The following GLMN variants were observed in gnomAD, a reference collection of about 807,000 sequenced individuals.
GLMN encodes glomulin.
A neutral mutation model predicts 87.8 loss-of-function variants in GLMN; 75 were observed. That is an observed-to-expected ratio of 0.85 (90% CI 0.71 to 1.04). The LOEUF is 1.04. Among genes scored for constraint, GLMN ranks in the 50% least tolerant of loss-of-function variants. GLMN has a pLI of 0.00. For synonymous variants in GLMN, 206 were observed against 221.6 expected, an observed-to-expected ratio of 0.93 and a Z score of 0.63; for missense variants, 588 against 658.8, an observed-to-expected ratio of 0.89 and a Z score of 1.18.
At position 92,287,741 on chromosome 1, in the gene GLMN, G is replaced by A. The variant is rs544107327; in HGVS notation, c.633-1149C>T. 1.3e-4 allele frequency among the ~76,000 whole-genome samples: 20 copies of A among 150,988 alleles called. 1 individual carries two copies. The highest frequency in any genetic ancestry group is 4.2e-4 in the South Asian group (2 of 4,758). On this transcript the variant is annotated intron_variant, in intron 6 of 18. Transcript: ENST00000370360. ...ATTTTATATTCTATTTTTTAGAGAC[G>A]AGGTCTTGCTATGTTGCCCAGGCTG...
chr1:92,305,166 C>T, the GLMN span, among the ~76,000 whole-genome samples: 1 of 151,690 alleles, frequency 6.6e-6, no homozygotes, highest in Non-Finnish European at 1.5e-5. Context: ...GGCGCCCTGG[C>T]TCAAGCCTGT....
At chr1:92,260,209 C>CTAAA (rs1165099831) in intron 16 of GLMN, among the ~76,000 whole-genome samples, 9 of 152,270 alleles carry the variant, frequency 5.9e-5, no homozygotes, top group African/African-American at 1.7e-4. Context: ...GTGAGGCTGC[C>CTAAA]AGCTTGGACT....
the GLMN span, among the ~76,000 whole-genome samples, chr1:92,318,613 C>T: frequency 6.6e-6 from 1 of 152,184 alleles, no homozygotes. Flanking sequence ...GCAGAAACTC[C>T]TTCAACATTA....
chr1:92,359,634 A>G, the GLMN span, among the ~76,000 whole-genome samples: 1 of 152,204 alleles, frequency 6.6e-6, no homozygotes, highest in African/African-American at 2.4e-5. Context: ...ACTTGGTTTT[A>G]TACCTGTTTT....
chr1:92,364,640 T>C, the GLMN span, among the ~76,000 whole-genome samples: 1 of 152,166 alleles, frequency 6.6e-6, no homozygotes, highest in East Asian at 1.9e-4. Flanking sequence ...AGAATTGTGC[T>C]TCTCTTTATC....
At chr1:92,347,568 A>C in the GLMN span, among the ~76,000 whole-genome samples, 8,064 of 152,268 alleles carry the variant, frequency 0.053, 570 homozygotes, top group African/African-American at 0.17. Context: ...CTGTTTTTGG[A>C]TTAAGTTTTT....
rs758756937 is a variant in GLMN, at chr1:92,264,579, T to C, written c.1274A>G (p.Lys425Arg). 8.9e-6 allele frequency: 14 copies of C among 1,579,374 alleles called. No homozygotes were observed. The highest frequency in any genetic ancestry group is 1.3e-5 in the African/African-American group (1 of 74,270). The change falls in exon 14 of 19, where the codon AAA (lysine) becomes AGA (arginine). Residue 425 changes from lysine to arginine, a missense_variant. Coordinates refer to ENST00000370360, the MANE Select transcript of GLMN (RefSeq NM_053274.3). ...CTTTAATGACATGTCAATTTGATTT[T>C]TGATATTTTGAATAATAAAAGCCTC... ...GVEAFIIQNI[K>R]NQIDMSLKRT...
At chr1:92,356,188 G>A in the GLMN span, among the ~76,000 whole-genome samples, 1 of 151,572 alleles carries the variant, frequency 6.6e-6, no homozygotes, top group South Asian at 2.1e-4. Flanking sequence ...ATCTTGGCCA[G>A]GCTGGTCTCA....
At position 92,281,517 on chromosome 1, in the gene GLMN, G is replaced by T. The variant is rs548693364; in HGVS notation, c.735+4973C>A. On this transcript the variant is annotated intron_variant, in intron 7 of 18. Coordinates refer to ENST00000370360, the MANE Select transcript of GLMN (RefSeq NM_053274.3). ...CCGGTACCAGCTACTGCAAAAACAT[G>T]CCAAATGGTAAAGACCAGTGACACT... Among the ~76,000 whole-genome samples, 23 of 152,268 alleles carry T rather than the reference G, an allele frequency of 1.5e-4. No individual in the cohort carries two copies. The East Asian group carries it at 4.2e-3, about 28-fold the overall frequency.
chr1:92,337,415 A>T, the GLMN span, among the ~76,000 whole-genome samples: 1 of 152,264 alleles, frequency 6.6e-6, no homozygotes, highest in African/African-American at 2.4e-5. Flanking sequence ...AATTCAGGAA[A>T]AAGTTTTTCA....
At chr1:92,249,798 TATCA>T (rs774349177) in intron 16 of GLMN, among the ~76,000 whole-genome samples, 2 of 152,276 alleles carry the variant, frequency 1.3e-5, no homozygotes, top group African/African-American at 2.4e-5. Flanking sequence ...CACACTCTGG[TATCA>T]ATCAATCATT....
intron 16 of GLMN, among the ~76,000 whole-genome samples, chr1:92,260,649 T>C (rs1205438203): frequency 6.6e-6 from 1 of 150,638 alleles, no homozygotes; most frequent in African/African-American, 2.4e-5. Flanking sequence ...TCCCAGCACT[T>C]TGGGAGGCTG....
intron 7 of GLMN, among the ~76,000 whole-genome samples, chr1:92,279,822 G>C (rs1647775651): frequency 6.6e-6 from 1 of 152,258 alleles, no homozygotes; most frequent in South Asian, 2.1e-4. Flanking sequence ...CTGGCTTGGT[G>C]GGTCCCACAC....
upstream of GLMN, among the ~76,000 whole-genome samples, chr1:92,302,589 AAT>A (rs1650930691): frequency 1.1e-5 from 1 of 92,268 alleles, no homozygotes; most frequent in African/African-American, 3.6e-5. Flanking sequence ...TTCCGCATTA[AAT>A]TTTTTTTTTT....
At chr1:92,354,463 T>G in the GLMN span, among the ~76,000 whole-genome samples, 42,562 of 152,124 alleles carry the variant, frequency 0.28, 6,882 homozygotes, top group Non-Finnish European at 0.35. Flanking sequence ...AAAGTCACTG[T>G]AACCCAGCCC....
the GLMN span, among the ~76,000 whole-genome samples, chr1:92,363,322 A>G: frequency 1.3e-5 from 2 of 152,204 alleles, no homozygotes; most frequent in East Asian, 3.8e-4. Flanking sequence ...GTAGATACAC[A>G]TGATGGAACA....
At chr1:92,306,201 T>C in the GLMN span, among the ~76,000 whole-genome samples, 2 of 152,160 alleles carry the variant, frequency 1.3e-5, no homozygotes, top group Non-Finnish European at 2.9e-5. Flanking sequence ...GAAAGTAGAA[T>C]GATCATCAAG....
chr1:92,261,822 C>CGGAGTGATAGACAGGGT (rs1553136970), intron 16 of GLMN, among the ~76,000 whole-genome samples: 25 of 150,340 alleles, frequency 1.7e-4, no homozygotes, highest in African/African-American at 5.4e-4. Context: ...AATAGACTGA[C>CGGAGTGATAGACAGGGT]GGAGTGATAG....
In GLMN at chr1:92,280,605, C is replaced by T. The variant is rs182004288; in HGVS notation, c.735+5885G>A. On this transcript the variant is annotated intron_variant, in intron 7 of 18. Transcript: ENST00000370360. ...TCACCAGCAAGGGAACAAAACTGGA[C>T]GGAGAATGAGTTTGATGAGTTGACA... Among the ~76,000 whole-genome samples, 14 of 152,200 alleles carry T rather than the reference C, an allele frequency of 9.2e-5. No homozygotes were observed. The East Asian group carries it at 1.5e-3, about 17-fold the overall frequency.
Sources: allele counts gnomAD v4.1 joint callset (sites outside exome capture counted in the v4.1 genomes callset), GRCh38; gene constraint gnomAD v4.1.1; transcripts MANE v1.5; gene names NCBI Gene and HGNC (gene_info 2026-07-23, HGNC 2026-07-21).